Variants in PDE6B observed in about 807,000 individuals in gnomAD.
PDE6B encodes rod cGMP-specific 3',5'-cyclic phosphodiesterase subunit beta.
PDE6B carries 106 observed loss-of-function variants against 109.0 expected under a neutral mutation model. The ratio of observed to expected loss-of-function variants is 0.97; its 90% CI spans 0.83 to 1.14. PDE6B has a LOEUF of 1.14. Among genes scored for constraint, PDE6B ranks in the 50% most tolerant of loss-of-function variants. PDE6B has a pLI of 0.00. For synonymous variants in PDE6B, 490 were observed against 471.3 expected (o/e 1.04, Z -0.51); for missense variants, 1,193 against 1,155.6 (o/e 1.03, Z -0.47).
In PDE6B at chr4:666,703, A is replaced by C. The variant is rs1470013042; in HGVS notation, c.2352+89A>C. On this transcript the variant is annotated intron_variant, in intron 20 of 21. Coordinates refer to ENST00000496514, the MANE Select transcript of PDE6B (RefSeq NM_000283.4). The surrounding 1 kb of genome is among the most constrained non-coding windows in gnomAD (Gnocchi z 5.6). ...GCGGGCTGGAGTCGCGTGGACTCAC[A>C]CGGGCCCGGCGGTGTCCTCACTGGA... The C allele has an allele frequency of 1.5e-5, 13 of 854,238 alleles. No individual in the cohort carries two copies. Among genetic ancestry groups the C allele is most frequent in the Middle Eastern group, 4.5e-4 (2 of 4,474 alleles). 52.9% of individuals were successfully genotyped at this position (854,238 alleles called of 1,614,324 possible).
At chr4:647,855 C>T (rs1201594574) in intron 3 of PDE6B, among the ~76,000 whole-genome samples, 1 of 151,964 alleles carries the variant, frequency 6.6e-6, no homozygotes, top group Non-Finnish European at 1.5e-5. Flanking sequence ...CGCAGATCAC[C>T]TGAGGTCAGG....
rs1737844037 is a variant in PDE6B, at chr4:666,702, C to T, written c.2352+88C>T. The T allele has an allele frequency of 2.3e-6, 2 of 862,902 alleles. No homozygotes were observed. The highest frequency in any genetic ancestry group is 1.3e-5 in the South Asian group (1 of 74,666). 53.5% of individuals were successfully genotyped at this position (862,902 alleles called of 1,614,324 possible). Reference sequence around the variant, plus strand: ...CGCGGGCTGGAGTCGCGTGGACTCACACGGGCCCGGCGGTGTCCTCACTGG... The same window carrying T: ...CGCGGGCTGGAGTCGCGTGGACTCATACGGGCCCGGCGGTGTCCTCACTGG... On this transcript the variant is annotated intron_variant, in intron 20 of 21. Coordinates refer to ENST00000496514, the MANE Select transcript of PDE6B (RefSeq NM_000283.4). The surrounding 1 kb of genome is among the most constrained non-coding windows in gnomAD (Gnocchi z 5.6).
chr4:662,133 G>C lies in PDE6B; in HGVS notation c.1615-1G>C, dbSNP rs2109252915. The C allele has an allele frequency of 6.6e-7, 1 of 1,521,044 alleles. No homozygotes were observed. Among genetic ancestry groups the C allele is most frequent in the South Asian group, 1.2e-5 (1 of 84,130 alleles). The allele number at this position is 1,521,044 out of a possible 1,614,324, so 94.2% of individuals were successfully genotyped here. On this transcript the variant is annotated splice_acceptor_variant, in intron 12 of 21. Coordinates refer to ENST00000496514, the MANE Select transcript of PDE6B (RefSeq NM_000283.4). LOFTEE classifies it high-confidence loss of function. The surrounding 1 kb of genome is among the most constrained non-coding windows in gnomAD (Gnocchi z 4.3). Reference sequence around the variant, plus strand: ...GCCCTGTGTCCTCTCGGCTCCCCCAGGTCCTGGTGCGGTTCCTGTTCTCCA... The same window carrying C: ...GCCCTGTGTCCTCTCGGCTCCCCCACGTCCTGGTGCGGTTCCTGTTCTCCA...
At position 665,171 on chromosome 4, in the gene PDE6B, G is replaced by C; in HGVS notation, c.2194-84G>C. 1 of 1,054,122 alleles carries C rather than the reference G, an allele frequency of 9.5e-7. No individual in the cohort carries two copies. Among genetic ancestry groups the C allele is most frequent in the Non-Finnish European group, 1.4e-6 (1 of 694,100 alleles). 65.3% of individuals were successfully genotyped at this position (1,054,122 alleles called of 1,614,324 possible). On this transcript the variant is annotated intron_variant, in intron 18 of 21. Coordinates refer to ENST00000496514, the MANE Select transcript of PDE6B (RefSeq NM_000283.4). This position sits in a 1 kb window ranked among gnomAD's most constrained non-coding sequence, Gnocchi z 4.0. ...CCGGGGGTCTGGGGCGGAGAAGACC[G>C]AGGCTCGGAGCCTCACGGGGCGGGC... is the stretch of plus-strand genomic sequence containing the variant.
intron 9 of PDE6B, 105 bp from the exon 10 acceptor site, chr4:657,246 G>A: frequency 7.4e-7 from 1 of 1,348,488 alleles, no homozygotes; most frequent in Non-Finnish European, 1.0e-6. Context: ...CACCATGGTG[G>A]CAGCCCCAGG....
intron 3 of PDE6B, among the ~76,000 whole-genome samples, chr4:650,379 C>T (rs1735445163): frequency 6.6e-6 from 1 of 152,250 alleles, no homozygotes; most frequent in Non-Finnish European, 1.5e-5. Flanking sequence ...CTGCCCAGGA[C>T]AGGCAGACCC....
intron 20 of PDE6B, among the ~76,000 whole-genome samples, chr4:667,654 G>A (rs1278179770): frequency 1.3e-5 from 2 of 152,124 alleles, no homozygotes; most frequent in East Asian, 3.9e-4. Flanking sequence ...ATACCCTAAA[G>A]CTCCCGGCTT....
chr4:653,263 C>T, intron 3 of PDE6B: 1 of 1,014,032 alleles, frequency 9.9e-7, no homozygotes, highest in Non-Finnish European at 1.2e-6. Context: ...CTGGTGGGGC[C>T]TGGGTCTGGG....
chr4:638,009 AAG>A (rs1734776946), intron 3 of PDE6B, among the ~76,000 whole-genome samples: 1 of 152,092 alleles, frequency 6.6e-6, no homozygotes, highest in East Asian at 1.9e-4. Context: ...GGGGTTGATG[AAG>A]AGTTTCTTTT....
chr4:630,444 G>A (rs1481752660), intron 1 of PDE6B, among the ~76,000 whole-genome samples: 1 of 152,188 alleles, frequency 6.6e-6, no homozygotes, highest in Non-Finnish European at 1.5e-5. Flanking sequence ...GGAAAGGAGA[G>A]CAGGTGTCAG....
intron 3 of PDE6B, chr4:652,554 G>A: frequency 2.2e-6 from 2 of 922,454 alleles, no homozygotes; most frequent in Non-Finnish European, 2.6e-6. Flanking sequence ...AGGGTGCTCG[G>A]TAAGTGCAGT....
At chr4:642,291 G>C (rs924291624) in intron 3 of PDE6B, among the ~76,000 whole-genome samples, 2 of 151,790 alleles carry the variant, frequency 1.3e-5, no homozygotes, top group African/African-American at 4.8e-5. Context: ...GACCAACATG[G>C]AGAAAAACCC....
Position 663,303 on chromosome 4 carries a change from G to T in PDE6B, c.1920+116G>T. ...GATGCAGCGGGTGAGCACTGGGTGT[G>T]TGAGCACTGGGGGAGGGCGGCAGAG... is the stretch of plus-strand genomic sequence containing the variant. On this transcript the variant is annotated intron_variant, in intron 15 of 21. Transcript: ENST00000496514. This position sits in a 1 kb window ranked among gnomAD's most constrained non-coding sequence, Gnocchi z 4.0. 1 of 730,468 alleles carries T rather than the reference G, an allele frequency of 1.4e-6. No homozygotes were observed. The highest frequency in any genetic ancestry group is 2.5e-6 in the Non-Finnish European group (1 of 395,784). The allele number at this position is 730,468 out of a possible 1,614,324, so 45.2% of individuals were successfully genotyped here.
rs1046136913 is a variant in PDE6B at position 665,958 on chromosome 4, G to A, written c.2269-573G>A. 2.0e-5 allele frequency among the ~76,000 whole-genome samples: 3 copies of A among 152,194 alleles called. No homozygotes were observed. The highest frequency in any genetic ancestry group is 7.2e-5 in the African/African-American group (3 of 41,434). On this transcript the variant is annotated intron_variant, in intron 19 of 21. Transcript: ENST00000496514. This position sits in a 1 kb window ranked among gnomAD's most constrained non-coding sequence, Gnocchi z 4.0. ...CAGGTGCAGCCTCGGCAGGAAAGGG[G>A]GCATTGGTTGGTCAGCAAAGCCCCA...
At chr4:660,400 G>A in intron 11 of PDE6B, 67 bp from the exon 12 acceptor site, 4 of 1,515,556 alleles carry the variant, frequency 2.6e-6, no homozygotes, top group Admixed American at 1.7e-5. Context: ...CTGGAGAGAA[G>A]AAAGGATGAG....
At chr4:645,804 C>T (rs570082075) in intron 3 of PDE6B, among the ~76,000 whole-genome samples, 25 of 152,048 alleles carry the variant, frequency 1.6e-4, no homozygotes, top group Non-Finnish European at 1.9e-4. Flanking sequence ...TTTAGCATTT[C>T]CCCAGAATTT....
intron 3 of PDE6B, among the ~76,000 whole-genome samples, chr4:650,715 G>T (rs1050927628): frequency 6.6e-6 from 1 of 152,162 alleles, no homozygotes; most frequent in East Asian, 1.9e-4. Context: ...AGGCGAGAAG[G>T]CTGGTTGGGG....
chr4:666,883 A>G lies in PDE6B; in HGVS notation c.2352+269A>G, dbSNP rs535749904. On this transcript the variant is annotated intron_variant, in intron 20 of 21. Coordinates refer to ENST00000496514, the MANE Select transcript of PDE6B (RefSeq NM_000283.4). The surrounding 1 kb of genome is among the most constrained non-coding windows in gnomAD (Gnocchi z 5.6). ...TTCCCAGCCCAGAATGTCCTCTGCT[A>G]GCCTCCAGGCCTACCCCAGAAGTTC... is the stretch of plus-strand genomic sequence containing the variant. Among the ~76,000 whole-genome samples the G allele has an allele frequency of 4.6e-5, 7 of 152,272 alleles. No homozygotes were observed. The South Asian group carries it at 1.4e-3, about 32-fold the overall frequency.
rs760598692 is a variant in PDE6B at position 626,531 on chromosome 4, A to T, written c.468+437A>T. ...CCTTGGGATTTGGGAAGAAGAGGTC[A>T]CAGTCGAAGGTGGTGCAGACGCCCA... On this transcript the variant is annotated intron_variant, in intron 1 of 21. Transcript: ENST00000496514. This position sits in a 1 kb window ranked among gnomAD's most constrained non-coding sequence, Gnocchi z 4.6. Among the ~76,000 whole-genome samples the T allele has an allele frequency of 2.0e-5, 3 of 152,196 alleles. No individual in the cohort carries two copies. Among genetic ancestry groups the T allele is most frequent in the Non-Finnish European group, 4.4e-5 (3 of 68,034 alleles).
Sources: gnomAD v4.1 joint callset for allele counts (sites outside exome capture counted in the v4.1 genomes callset) on GRCh38, gnomAD v4.1.1 for gene constraint, Gnocchi (gnomAD v3.1) non-coding constraint, MANE v1.5 for transcripts, NCBI Gene and HGNC (gene_info 2026-07-23, HGNC 2026-07-21) for gene names.